ITGB6: variants seen among roughly 807,000 people sequenced by gnomAD.
The protein encoded by ITGB6 is integrin beta-6.
ITGB6 carries 80 observed loss-of-function variants against 84.5 expected under a neutral mutation model. That is an observed-to-expected ratio of 0.95 (90% CI 0.79 to 1.14). The LOEUF is 1.14. Among genes scored for constraint, ITGB6 ranks in the 50% most tolerant of loss-of-function variants. The pLI is 0.00. For synonymous variants in ITGB6, 383 were observed against 354.9 expected (o/e 1.08, Z -0.89); for missense variants, 1,006 against 968.0 (o/e 1.04, Z -0.52).
chr2:160,178,523 A>G (rs1168881610), intron 4 of ITGB6, among the ~76,000 whole-genome samples: 1 of 152,168 alleles, frequency 6.6e-6, no homozygotes, highest in Non-Finnish European at 1.5e-5. Context: ...TGGAAAGTGG[A>G]ATAAAATTTT....
intron 7 of ITGB6, among the ~76,000 whole-genome samples, chr2:160,164,564 C>T (rs373295275): frequency 6.6e-6 from 1 of 152,142 alleles, no homozygotes; most frequent in African/African-American, 2.4e-5. Flanking sequence ...GGCATGGTGG[C>T]GCACATCTGT....
rs115720733 is a variant in ITGB6 at position 160,140,063 on chromosome 2, C to A, written c.1108-1864G>T. On this transcript the variant is annotated intron_variant, in intron 8 of 14. Coordinates refer to ENST00000283249, the MANE Select transcript of ITGB6 (RefSeq NM_000888.5). ...ATTTTATGTTTTCTCTCAATATATT[C>A]TCTTTCCTTCTCTCTCTTTTTATAG... 6.1e-3 allele frequency among the ~76,000 whole-genome samples: 936 copies of A among 152,288 alleles called. 12 individuals are homozygous for A. Among genetic ancestry groups the A allele is most frequent in the African/African-American group, 0.021 (881 of 41,560 alleles).
intron 10 of ITGB6, among the ~76,000 whole-genome samples, chr2:160,128,063 TACTATGTGCCAA>T (rs1683305633): frequency 6.6e-6 from 1 of 152,218 alleles, no homozygotes; most frequent in African/African-American, 2.4e-5. Flanking sequence ...ATTGAGCATA[TACTATGTGCCAA>T]AGATTGTATT....
chr2:160,132,952 T>C (rs1018118746), intron 10 of ITGB6, among the ~76,000 whole-genome samples: 1 of 152,162 alleles, frequency 6.6e-6, no homozygotes, highest in African/African-American at 2.4e-5. Flanking sequence ...TAACCTAGTA[T>C]GTGTCATATA....
At chr2:160,150,403 A>T (rs1684367905) in intron 7 of ITGB6, among the ~76,000 whole-genome samples, 4 of 152,210 alleles carry the variant, frequency 2.6e-5, no homozygotes, top group South Asian at 4.1e-4. Flanking sequence ...AGACAAGCAA[A>T]TGCTGAGAGA....
chr2:160,155,148 T>G (rs1443379313), intron 7 of ITGB6, among the ~76,000 whole-genome samples: 1 of 152,196 alleles, frequency 6.6e-6, no homozygotes, highest in Non-Finnish European at 1.5e-5. Context: ...CTGAGTCAAT[T>G]AAACCTCTTT....
In ITGB6 at chr2:160,173,822, A is replaced by G. The variant is rs541788435; in HGVS notation, c.759+152T>C. On this transcript the variant is annotated intron_variant, in intron 5 of 14. Coordinates refer to ENST00000283249, the MANE Select transcript of ITGB6 (RefSeq NM_000888.5). ...CCATTTCAACATGATTTAATTAAAC[A>G]TTTGGTAAAAATTGTGTATTTTAAG... 7.7e-6 allele frequency: 5 copies of G among 648,272 alleles called. No homozygotes were observed. In the South Asian group the frequency reaches 1.1e-4, roughly 14 times the overall value. 40.2% of individuals were successfully genotyped at this position (648,272 alleles called of 1,614,324 possible).
intron 1 of ITGB6, 22 bp downstream of exon 1, chr2:160,199,981 T>C: frequency 6.3e-7 from 1 of 1,588,232 alleles, no homozygotes. Flanking sequence ...GAAAGTAATA[T>C]ATCAGAGAAC....
chr2:160,111,691 T>G (rs890750461), intron 13 of ITGB6, among the ~76,000 whole-genome samples: 1 of 150,408 alleles, frequency 6.6e-6, no homozygotes, highest in Non-Finnish European at 1.5e-5. Context: ...GCAATTCTCC[T>G]GCCTCAGCCT....
chr2:160,116,385 A>G (rs1351805595), intron 12 of ITGB6, among the ~76,000 whole-genome samples: 2 of 150,760 alleles, frequency 1.3e-5, no homozygotes, highest in African/African-American at 4.9e-5. Flanking sequence ...AGAATTTTCA[A>G]CCCAGAATTT....
At chr2:160,190,109 A>G (rs953485436) in intron 4 of ITGB6, among the ~76,000 whole-genome samples, 1 of 151,918 alleles carries the variant, frequency 6.6e-6, no homozygotes, top group African/African-American at 2.4e-5. Context: ...CAAGGACAGA[A>G]AACCAAACAC....
intron 4 of ITGB6, among the ~76,000 whole-genome samples, chr2:160,175,507 T>C (rs1367225291): frequency 6.6e-6 from 1 of 152,238 alleles, no homozygotes; most frequent in Non-Finnish European, 1.5e-5. Context: ...TCTAAGCCAG[T>C]GTCTTTTTCA....
chr2:160,194,520 A>C (rs772534767), intron 4 of ITGB6, among the ~76,000 whole-genome samples: 126 of 152,196 alleles, frequency 8.3e-4, no homozygotes, highest in Non-Finnish European at 1.4e-3. Flanking sequence ...GCCCTGGGCA[A>C]ATAGCTAATC....
Position 160,137,390 on chromosome 2 carries a change from T to A in ITGB6, c.1660+44A>T, listed in dbSNP as rs758343688. 50 of 1,559,412 alleles carry A rather than the reference T, an allele frequency of 3.2e-5. No individual in the cohort carries two copies. In the Middle Eastern group the frequency reaches 1.4e-3, roughly 45 times the overall value. On this transcript the variant is annotated intron_variant, in intron 10 of 14. Transcript: ENST00000283249. ...CAGAGGATGCCAAGCCCCTTGCTGA[T>A]ACTTGAGCAGCCACAGGGTAAGATG... is the stretch of plus-strand genomic sequence containing the variant.
At chr2:160,145,784 C>G (rs538534254) in intron 7 of ITGB6, among the ~76,000 whole-genome samples, 1 of 152,270 alleles carries the variant, frequency 6.6e-6, no homozygotes, top group East Asian at 1.9e-4. Flanking sequence ...AAAAAGACTC[C>G]TGTTGAGGAC....
intron 10 of ITGB6, among the ~76,000 whole-genome samples, chr2:160,133,620 C>G (rs577855401): frequency 6.8e-6 from 1 of 147,486 alleles, no homozygotes; most frequent in South Asian, 2.1e-4. Flanking sequence ...CAGCACCACA[C>G]CACACCTATT....
At position 160,199,199 on chromosome 2, in the gene ITGB6, A is replaced by G. The variant is rs1686457598; in HGVS notation, c.121T>C (p.Cys41Arg). ...CEDCLLIGPQ[C>R]AWCAQENFTH... ...TTTACCTCCTGAGCACACCAGGCAC[A>G]CTGAGGTCCAATAAGCAGGCAGTCT... is the stretch of plus-strand genomic sequence containing the variant. The change falls in exon 2 of 15, where the codon TGT (cysteine) becomes CGT (arginine). Residue 41 changes from cysteine to arginine, a missense_variant. Coordinates refer to ENST00000283249, the MANE Select transcript of ITGB6 (RefSeq NM_000888.5). 6.2e-7 allele frequency: 1 copy of G among 1,613,964 alleles called. No individual in the cohort carries two copies. The highest frequency in any genetic ancestry group is 1.7e-5 in the Admixed American group (1 of 60,004).
At chr2:160,115,040 G>C (rs1682704172) in intron 12 of ITGB6, among the ~76,000 whole-genome samples, 1 of 152,354 alleles carries the variant, frequency 6.6e-6, no homozygotes, top group Admixed American at 6.5e-5. Context: ...AAGGAGGCCT[G>C]CCTGCCTCTG....
chr2:160,114,938 AG>A (rs1682698810), intron 12 of ITGB6, among the ~76,000 whole-genome samples: 1 of 152,218 alleles, frequency 6.6e-6, no homozygotes, highest in African/African-American at 2.4e-5. Context: ...GGCGGCAGCG[AG>A]GCTGGGGGAG....
Sources: allele counts gnomAD v4.1 joint callset (sites outside exome capture counted in the v4.1 genomes callset), GRCh38; gene constraint gnomAD v4.1.1; transcripts MANE v1.5; gene names NCBI Gene and HGNC (gene_info 2026-07-23, HGNC 2026-07-21).